Variants in PCDH15 observed in about 807,000 individuals in gnomAD.
PCDH15 encodes protocadherin related 15.
Under a neutral mutation model 178.5 loss-of-function variants are expected in PCDH15, and 129 were observed. The observed-to-expected ratio is 0.72, with a 90% CI of 0.63 to 0.84. PCDH15 has a LOEUF of 0.84. Among genes scored for constraint, PCDH15 ranks in the 40% least tolerant of loss-of-function variants. The pLI is 0.00. For synonymous variants in PCDH15, 800 were observed against 732.0 expected, an observed-to-expected ratio of 1.09 and a Z score of -1.50; for missense variants, 2,230 against 2,099.9, an observed-to-expected ratio of 1.06 and a Z score of -1.21.
intron 2 of PCDH15, among the ~76,000 whole-genome samples, chr10:55,164,601 A>T (rs1173559661): frequency 2.0e-5 from 3 of 152,058 alleles, no homozygotes; most frequent in African/African-American, 7.2e-5. Flanking sequence ...CATAATTTTC[A>T]TAATTCATGC....
intron 1 of PCDH15, among the ~76,000 whole-genome samples, chr10:55,199,707 C>T (rs889614292): frequency 3.3e-5 from 5 of 152,150 alleles, no homozygotes; most frequent in Non-Finnish European, 5.9e-5. Context: ...GTTTCATGGT[C>T]CAGGCCCAGG....
intron 9 of PCDH15, among the ~76,000 whole-genome samples, chr10:54,223,804 C>A (rs2053152989): frequency 6.6e-6 from 1 of 152,028 alleles, no homozygotes; most frequent in African/African-American, 2.4e-5. Flanking sequence ...AATCCCTCAT[C>A]TTGAAATTCC....
At chr10:54,383,629 TTGTGTGTGTG>T (rs71461236) in intron 3 of PCDH15, among the ~76,000 whole-genome samples, 3 of 117,534 alleles carry the variant, frequency 2.6e-5, no homozygotes, top group African/African-American at 9.9e-5. Context: ...ATGTGTGTTT[TTGTGTGTGTG>T]TGTGTGTGTG....
chr10:53,984,060 A>T (rs1006492809), intron 21 of PCDH15, among the ~76,000 whole-genome samples: 15 of 151,380 alleles, frequency 9.9e-5, no homozygotes, highest in African/African-American at 3.2e-4. Flanking sequence ...TTGACTCTCT[A>T]GATACAATCA....
In PCDH15 at chr10:53,979,207, G is replaced by A. The variant is rs187162601; in HGVS notation, c.2868+16442C>T. On this transcript the variant is annotated intron_variant, in intron 21 of 37. Transcript: ENST00000644397. Reference sequence around the variant, plus strand: ...AATTAACTCATAGTTCTGCAGGGCTGGGGAGGCCTCAGGAAACTTACAATC... The same window carrying A: ...AATTAACTCATAGTTCTGCAGGGCTAGGGAGGCCTCAGGAAACTTACAATC... Among the ~76,000 whole-genome samples, 19 of 152,258 alleles carry A rather than the reference G, an allele frequency of 1.2e-4. No homozygotes were observed. In the East Asian group the frequency reaches 3.7e-3, roughly 29 times the overall value.
chr10:55,215,040 T>C (rs1206498077), intron 1 of PCDH15, among the ~76,000 whole-genome samples: 1 of 152,064 alleles, frequency 6.6e-6, no homozygotes, highest in Non-Finnish European at 1.5e-5. Flanking sequence ...AAGTAAAACA[T>C]ACATTGTGAA....
At chr10:54,525,498 C>A (rs1230193932) in intron 3 of PCDH15, among the ~76,000 whole-genome samples, 1 of 152,164 alleles carries the variant, frequency 6.6e-6, no homozygotes, top group Admixed American at 6.5e-5. Context: ...GCCACCCATG[C>A]TTCAGTGCAG....
chr10:54,020,548 T>C, intron 19 of PCDH15, 132 bp from the exon 20 acceptor site: 2 of 929,136 alleles, frequency 2.2e-6, no homozygotes, highest in South Asian at 1.4e-5. Context: ...TTTTTTGTTT[T>C]TGTTTTTTAA....
intron 2 of PCDH15, among the ~76,000 whole-genome samples, chr10:55,028,890 A>G (rs188282954): frequency 6.6e-6 from 1 of 152,208 alleles, no homozygotes; most frequent in Admixed American, 6.5e-5. Context: ...ATTGTTAAAT[A>G]TTAATCCATA....
At chr10:54,767,867 T>A (rs1433489327) in intron 1 of PCDH15, among the ~76,000 whole-genome samples, 1 of 152,148 alleles carries the variant, frequency 6.6e-6, no homozygotes, top group African/African-American at 2.4e-5. Context: ...CAACTAAATG[T>A]AACATAGTGT....
intron 1 of PCDH15, among the ~76,000 whole-genome samples, chr10:55,255,184 T>C (rs1841958460): frequency 6.6e-6 from 1 of 152,004 alleles, no homozygotes; most frequent in Admixed American, 6.6e-5. Context: ...TTCCCACCTA[T>C]GAGTTAGAAC....
rs1344094704 is a variant in PCDH15 at position 54,369,132 on chromosome 10, G to A, written c.462C>T (p.Ala154=). 4 of 1,612,762 alleles carry A rather than the reference G, an allele frequency of 2.5e-6. No homozygotes were observed. The Admixed American group carries it at 5.0e-5, about 20-fold the overall frequency. Residue 154 remains alanine (A), a synonymous_variant, in exon 5 of 38, where the codon GCC becomes GCT. Transcript: ENST00000644397. ...AATAGAAACTGACCTCATTCACTGT[G>A]GCATAGTAGCTTTCATGCTTGAAAG... ...SPTFKHESYY[A]TVNELTPVGT...
At chr10:53,906,706 T>C (rs527325287) in intron 25 of PCDH15, among the ~76,000 whole-genome samples, 48 of 152,288 alleles carry the variant, frequency 3.2e-4, no homozygotes, top group Admixed American at 1.4e-3. Context: ...CAGGAAGTTG[T>C]AGAGCCTTTA....
At chr10:54,779,790 G>A (rs892984387) in intron 1 of PCDH15, among the ~76,000 whole-genome samples, 4 of 151,750 alleles carry the variant, frequency 2.6e-5, no homozygotes, top group African/African-American at 7.3e-5. Flanking sequence ...CAACATTGTC[G>A]ATTTGTGCTT....
intron 26 of PCDH15, among the ~76,000 whole-genome samples, chr10:53,867,472 A>G (rs1368718796): frequency 6.6e-6 from 1 of 152,190 alleles, no homozygotes; most frequent in East Asian, 1.9e-4. Context: ...TTATACATAT[A>G]GAAACATCTA....
At chr10:54,660,282 A>G (rs952004167) in intron 2 of PCDH15, among the ~76,000 whole-genome samples, 13 of 152,102 alleles carry the variant, frequency 8.5e-5, no homozygotes, top group African/African-American at 3.1e-4. Flanking sequence ...TACAAAATAT[A>G]TTCAGAGTAG....
intron 2 of PCDH15, among the ~76,000 whole-genome samples, chr10:55,541,992 A>G (rs1036511361): frequency 1.6e-4 from 25 of 151,762 alleles, no homozygotes; most frequent in African/African-American, 6.0e-4. Context: ...TACAATATAT[A>G]AACCTGAGAG....
intron 25 of PCDH15, among the ~76,000 whole-genome samples, chr10:53,933,490 A>G (rs915180409): frequency 1.3e-5 from 2 of 152,142 alleles, no homozygotes; most frequent in Non-Finnish European, 2.9e-5. Flanking sequence ...ATGTCCCTAT[A>G]AAGGACATGA....
intron 3 of PCDH15, among the ~76,000 whole-genome samples, chr10:54,853,838 CA>C (rs1296783261): frequency 1.3e-5 from 2 of 152,124 alleles, no homozygotes; most frequent in Admixed American, 1.3e-4. Flanking sequence ...AATTTTGAAA[CA>C]TAACTGGCAG....
Sources: gnomAD v4.1 joint callset for allele counts (sites outside exome capture counted in the v4.1 genomes callset) on GRCh38, gnomAD v4.1.1 for gene constraint, MANE v1.5 for transcripts, NCBI Gene and HGNC (gene_info 2026-07-23, HGNC 2026-07-21) for gene names.